The following PAPPA2 variants were observed in gnomAD, a reference collection of about 807,000 sequenced individuals.
PAPPA2 encodes pappalysin 2, also known as pappalysin-2.
In PAPPA2, 86 loss-of-function variants were observed where a neutral mutation model predicts 176.4. The observed-to-expected ratio is 0.49, with a 90% CI of 0.41 to 0.58. The LOEUF (loss-of-function observed/expected upper bound fraction) is 0.58, where lower values mean the gene tolerates loss of function less well. Ranked by LOEUF, PAPPA2 falls within the 20% of genes least tolerant of loss-of-function variation. The probability of loss-of-function intolerance (pLI) is 0.00; values close to 1 mark genes in which losing one functional copy is unlikely to be tolerated. For synonymous variants in PAPPA2, 809 were observed against 852.2 expected (o/e 0.95, Z 0.88); for missense variants, 2,073 against 2,256.9 (o/e 0.92, Z 1.65).
At chr1:176,793,287 G>A (rs1665265247) in intron 19 of PAPPA2, among the ~76,000 whole-genome samples, 1 of 152,132 alleles carries the variant, frequency 6.6e-6, no homozygotes, top group Non-Finnish European at 1.5e-5. Context: ...AGAAATTCAG[G>A]CATTCCAGAG....
intron 1 of PAPPA2, among the ~76,000 whole-genome samples, chr1:176,539,692 G>C (rs1049326488): frequency 1.1e-4 from 17 of 152,142 alleles, no homozygotes; most frequent in Non-Finnish European, 2.1e-4. Flanking sequence ...TAGGAAGTGG[G>C]TGCTGCTACC....
At chr1:176,573,687 G>A (rs901059774) in intron 2 of PAPPA2, among the ~76,000 whole-genome samples, 11 of 152,032 alleles carry the variant, frequency 7.2e-5, no homozygotes, top group African/African-American at 2.2e-4. Flanking sequence ...ATTTAAAGTC[G>A]CTGAAATGTA....
At chr1:176,640,061 A>T (rs892178711) in intron 3 of PAPPA2, among the ~76,000 whole-genome samples, 6 of 151,792 alleles carry the variant, frequency 4.0e-5, no homozygotes, top group Admixed American at 1.3e-4. Flanking sequence ...CAGGTTATTC[A>T]AATTCAGAGC....
At chr1:176,469,215 G>A (rs1268079702) in intron 1 of PAPPA2, among the ~76,000 whole-genome samples, 1 of 152,136 alleles carries the variant, frequency 6.6e-6, no homozygotes, top group African/African-American at 2.4e-5. Context: ...TCCTTCTTCA[G>A]GTCTTTGTGG....
chr1:176,702,442 C>T (rs1013625935), intron 8 of PAPPA2, among the ~76,000 whole-genome samples, 165 bp from the exon 9 acceptor site: 1 of 152,244 alleles, frequency 6.6e-6, no homozygotes, highest in Non-Finnish European at 1.5e-5. Context: ...CCTTCTGGTG[C>T]TCGGGAAGAC....
chr1:176,678,121 G>T (rs1413453424), intron 4 of PAPPA2, among the ~76,000 whole-genome samples: 1 of 152,146 alleles, frequency 6.6e-6, no homozygotes, highest in African/African-American at 2.4e-5. Flanking sequence ...CTGGCAGATG[G>T]CAGGGTTCAG....
At chr1:176,618,518 C>T (rs374113617) in intron 3 of PAPPA2, among the ~76,000 whole-genome samples, 2 of 152,154 alleles carry the variant, frequency 1.3e-5, no homozygotes, top group South Asian at 2.1e-4. Flanking sequence ...TGAGCTTTTG[C>T]CAGTTTATTT....
chr1:176,771,803 G>A (rs763947651), intron 17 of PAPPA2, among the ~76,000 whole-genome samples: 6 of 152,066 alleles, frequency 3.9e-5, no homozygotes, highest in Admixed American at 6.6e-5. Flanking sequence ...CTCCAATGTC[G>A]TGGGGGATCC....
intron 3 of PAPPA2, among the ~76,000 whole-genome samples, chr1:176,667,793 A>G (rs1208749236): frequency 1.3e-5 from 2 of 152,160 alleles, no homozygotes; most frequent in Admixed American, 6.5e-5. Flanking sequence ...TCTTTTTCTT[A>G]TTTCTGGCTT....
At chr1:176,788,649 C>A (rs1207250248) in intron 17 of PAPPA2, among the ~76,000 whole-genome samples, 1 of 152,040 alleles carries the variant, frequency 6.6e-6, no homozygotes, top group African/African-American at 2.4e-5. Flanking sequence ...TAGGGAGGAC[C>A]CTAATTCCAT....
chr1:176,817,165 A>G (rs904060651), intron 21 of PAPPA2, among the ~76,000 whole-genome samples: 2 of 152,100 alleles, frequency 1.3e-5, no homozygotes, highest in Non-Finnish European at 2.9e-5. Flanking sequence ...TTTGGGGAAG[A>G]TTTCATAACA....
chr1:176,633,468 G>C (rs1656472464), intron 3 of PAPPA2, among the ~76,000 whole-genome samples: 2 of 152,154 alleles, frequency 1.3e-5, no homozygotes, highest in East Asian at 1.9e-4. Flanking sequence ...GAGGAATTTG[G>C]TTTAAGAGGG....
Position 176,623,758 on chromosome 1 carries a change from C to CCTTCCTTCCTTCCTTTCTTT in PAPPA2, c.1991+28166_1991+28167insCCTTCCTTCCTTTCTTTCTT, listed in dbSNP as rs1198828841. Among the ~76,000 whole-genome samples the CCTTCCTTCCTTCCTTTCTTT allele has an allele frequency of 3.2e-4, 19 of 59,064 alleles. 1 individual carries two copies. Among genetic ancestry groups the CCTTCCTTCCTTCCTTTCTTT allele is most frequent in the East Asian group, 8.2e-4 (2 of 2,452 alleles). 38.7% of individuals were successfully genotyped at this position (59,064 alleles called of 152,430 possible). On this transcript the variant is annotated intron_variant, in intron 3 of 22. Coordinates refer to ENST00000367662, the MANE Select transcript of PAPPA2 (RefSeq NM_020318.3). Reference sequence around the variant, plus strand: ...TTTCTTTCTCTCTCTTTCCTTCCTTCCTTTCTTTCTTTCTTTCTTTCTTTC... The same window carrying CCTTCCTTCCTTCCTTTCTTT: ...TTTCTTTCTCTCTCTTTCCTTCCTTCCTTCCTTCCTTCCTTTCTTTCTTTCTTTCTTTCTTTCTTTCTTTC...
intron 14 of PAPPA2, among the ~76,000 whole-genome samples, chr1:176,752,773 C>T (rs544060382): frequency 1.6e-4 from 25 of 152,286 alleles, no homozygotes; most frequent in African/African-American, 5.5e-4. Context: ...GGGTAACATG[C>T]CATGTTAATC....
chr1:176,506,449 G>A (rs181982745), intron 1 of PAPPA2, among the ~76,000 whole-genome samples: 1 of 152,136 alleles, frequency 6.6e-6, no homozygotes, highest in East Asian at 1.9e-4. Flanking sequence ...GGGCAGTATG[G>A]CCATTTTAAT....
At position 176,497,928 on chromosome 1, in the gene PAPPA2, C is replaced by T. The variant is rs544672272; in HGVS notation, c.-917+34510C>T. 1.8e-3 allele frequency among the ~76,000 whole-genome samples: 280 copies of T among 152,308 alleles called. 1 individual carries two copies. Among genetic ancestry groups the T allele is most frequent in the African/African-American group, 6.5e-3 (272 of 41,570 alleles). On this transcript the variant is annotated intron_variant, in intron 1 of 22. Coordinates refer to ENST00000367662, the MANE Select transcript of PAPPA2 (RefSeq NM_020318.3). ...GCACAGACTAAATATGCATCTTTCC[C>T]TACAGAAAAGACTGTTCAAATAATT...
chr1:176,707,616 T>A (rs1378244739), intron 10 of PAPPA2, among the ~76,000 whole-genome samples: 1 of 152,148 alleles, frequency 6.6e-6, no homozygotes, highest in Admixed American at 6.6e-5. Flanking sequence ...ACCATTCTGT[T>A]TACAAATGGC....
chr1:176,648,995 A>G (rs903423363), intron 3 of PAPPA2, among the ~76,000 whole-genome samples: 1 of 151,408 alleles, frequency 6.6e-6, no homozygotes. Flanking sequence ...TTGAAGAGTT[A>G]TTTGAGTAGA....
At chr1:176,464,100 G>C (rs982449108) in intron 1 of PAPPA2, among the ~76,000 whole-genome samples, 3 of 152,126 alleles carry the variant, frequency 2.0e-5, no homozygotes, top group Non-Finnish European at 4.4e-5. Flanking sequence ...AGAAACTGTG[G>C]ACTATGATCT....
Sources: allele counts gnomAD v4.1 joint callset (sites outside exome capture counted in the v4.1 genomes callset), GRCh38; gene constraint gnomAD v4.1.1; transcripts MANE v1.5; gene names NCBI Gene and HGNC (gene_info 2026-07-23, HGNC 2026-07-21).